Variants in CCDC18 observed in about 807,000 individuals in gnomAD.
CCDC18 encodes the protein coiled-coil domain containing 18, also known as coiled-coil domain-containing protein 18.
CCDC18 carries 157 observed loss-of-function variants against 196.0 expected under a neutral mutation model. The observed-to-expected ratio is 0.80, with a 90% CI of 0.70 to 0.91. CCDC18 has a LOEUF of 0.91. CCDC18 is among the 40% of genes least tolerant of loss of function. The probability of loss-of-function intolerance (pLI) is 0.00; values close to 1 mark genes in which losing one functional copy is unlikely to be tolerated. For missense variants in CCDC18, 1,465 were observed against 1,611.6 expected, an observed-to-expected ratio of 0.91 and a Z score of 1.56; for synonymous variants, 482 against 529.2, an observed-to-expected ratio of 0.91 and a Z score of 1.22.
chr1:93,214,634 T>A (rs977203604), intron 11 of CCDC18, 109 bp from the exon 12 acceptor site: 8 of 690,166 alleles, frequency 1.2e-5, no homozygotes, highest in Middle Eastern at 4.1e-4. Context: ...CTTTTAGTAC[T>A]CTTTAGATCA....
intron 28 of CCDC18, among the ~76,000 whole-genome samples, chr1:93,274,839 A>C (rs548849686): frequency 3.3e-5 from 5 of 152,320 alleles, no homozygotes; most frequent in Non-Finnish European, 7.4e-5. Context: ...CAAAACAAAC[A>C]AACGTAGCCT....
Position 93,257,399 on chromosome 1 carries a change from A to G in CCDC18, c.3546+861A>G, listed in dbSNP as rs559864067. ...ATACTAATATAAATTTTATTTTTCC[A>G]GTATTTGGTAGGAAGTTAACTACTT... On this transcript the variant is annotated intron_variant, in intron 25 of 28. Transcript: ENST00000690025. 3.3e-5 allele frequency among the ~76,000 whole-genome samples: 5 copies of G among 152,066 alleles called. No individual in the cohort carries two copies. In the South Asian group the frequency reaches 8.3e-4, roughly 25 times the overall value.
rs757854064 is a variant in CCDC18 at position 93,205,542 on chromosome 1, TCTAA to T, written c.835_838del (p.Asn279ValfsTer22). On this transcript the variant is annotated frameshift_variant, in exon 8 of 29. Transcript: ENST00000690025. LOFTEE classifies it high-confidence loss of function. Reference sequence around the variant, plus strand: ...CTGAAGAAGAAATATTAGAGAGAAATCTAACTAACTGTGAAAAAGAAAATAAAAG... The same window carrying T: ...CTGAAGAAGAAATATTAGAGAGAAATCTAACTGTGAAAAAGAAAATAAAAG... 21 of 1,589,600 alleles carry T rather than the reference TCTAA, an allele frequency of 1.3e-5. No homozygotes were observed. The highest frequency in any genetic ancestry group is 1.7e-4 in the Middle Eastern group (1 of 5,970).
upstream of CCDC18, chr1:93,180,391 C>T: frequency 1.6e-6 from 2 of 1,246,518 alleles, no homozygotes; most frequent in East Asian, 2.7e-5. Context: ...AACACTCCCT[C>T]CGAAAGAGAA....
chr1:93,212,443 A>C (rs1329491290), intron 11 of CCDC18, among the ~76,000 whole-genome samples, 182 bp downstream of exon 11: 1 of 152,042 alleles, frequency 6.6e-6, no homozygotes, highest in Non-Finnish European at 1.5e-5. Context: ...TCACCCAGGT[A>C]TTAAGCCTAG....
chr1:93,180,146 C>T (rs770112415), upstream of CCDC18: 7 of 1,613,594 alleles, frequency 4.3e-6, no homozygotes, highest in Non-Finnish European at 5.1e-6. Context: ...AAGTCGCTAT[C>T]GAGGGAAGGT....
At chr1:93,234,100 C>A (rs960290586) in intron 18 of CCDC18, among the ~76,000 whole-genome samples, 1 of 151,980 alleles carries the variant, frequency 6.6e-6, no homozygotes, top group African/African-American at 2.4e-5. Context: ...TAACTCACTT[C>A]TATAATGGTT....
At chr1:93,180,236 C>T, upstream of CCDC18, 1 of 1,610,430 alleles carries the variant, frequency 6.2e-7, no homozygotes, top group Non-Finnish European at 8.5e-7. Context: ...CAGATCTTGT[C>T]GCCCATCCCT....
intron 21 of CCDC18, 145 bp downstream of exon 21, chr1:93,240,041 TCTAA>T (rs1218361423): frequency 1.6e-6 from 1 of 619,902 alleles, no homozygotes. Flanking sequence ...CCATGCCTTA[TCTAA>T]CTAATTCAGC....
At chr1:93,270,847 T>C (rs1207510412) in intron 28 of CCDC18, 33 bp downstream of exon 28, 6 of 1,372,526 alleles carry the variant, frequency 4.4e-6, no homozygotes, top group African/African-American at 1.5e-5. Flanking sequence ...ACTGTAATAA[T>C]TTGTTTCCAA....
chr1:93,249,811 G>A (rs1661989358), intron 23 of CCDC18, among the ~76,000 whole-genome samples: 1 of 152,100 alleles, frequency 6.6e-6, no homozygotes, highest in Non-Finnish European at 1.5e-5. Flanking sequence ...ACCTTTAGGT[G>A]CATTGTTTGT....
At chr1:93,185,251 C>T (rs1048476324) in intron 3 of CCDC18, among the ~76,000 whole-genome samples, 8 of 151,858 alleles carry the variant, frequency 5.3e-5, no homozygotes, top group Admixed American at 3.9e-4. Context: ...ATATTGGGTA[C>T]GGGTACATTG....
At chr1:93,239,105 A>G (rs1660422273) in intron 19 of CCDC18, among the ~76,000 whole-genome samples, 1 of 152,204 alleles carries the variant, frequency 6.6e-6, no homozygotes, top group South Asian at 2.1e-4. Context: ...ACCAGGTAGT[A>G]GTAGTAAAGT....
chr1:93,210,163 C>T (rs1210169116), intron 9 of CCDC18, among the ~76,000 whole-genome samples: 1 of 152,098 alleles, frequency 6.6e-6, no homozygotes, highest in African/African-American at 2.4e-5. Flanking sequence ...TGATTTTTTT[C>T]TACTTCTAGG....
intron 13 of CCDC18, 40 bp from the exon 14 acceptor site, chr1:93,217,698 C>T (rs781517105): frequency 6.5e-7 from 1 of 1,544,158 alleles, no homozygotes; most frequent in Non-Finnish European, 8.8e-7. Context: ...CTTGGCCTCC[C>T]AAATCAATTA....
intron 17 of CCDC18, among the ~76,000 whole-genome samples, chr1:93,226,688 C>G (rs1658395712): frequency 6.6e-6 from 1 of 151,844 alleles, no homozygotes; most frequent in Non-Finnish European, 1.5e-5. Context: ...TATGCACTAC[C>G]ATGCCTGGCT....
chr1:93,270,563 G>A lies in CCDC18; in HGVS notation c.4102G>A (p.Glu1368Lys). The A allele has an allele frequency of 1.3e-6, 2 of 1,550,420 alleles. No individual in the cohort carries two copies. The highest frequency in any genetic ancestry group is 1.7e-6 in the Non-Finnish European group (2 of 1,146,902). The change falls in exon 28 of 29, where the codon GAA becomes AAA. Residue 1368 changes from glutamate (E) to lysine (K), a missense_variant. Transcript: ENST00000690025. ...TCTTACTTTCAAAATTCATGGTGAT[G>A]AAGATCTTTCTGAAGAATTACTACA... ...SDLTFKIHGD[E>K]DLSEELLQDL...
intron 6 of CCDC18, among the ~76,000 whole-genome samples, chr1:93,196,285 T>C (rs1571369705): frequency 6.6e-6 from 1 of 152,054 alleles, no homozygotes; most frequent in East Asian, 1.9e-4. Flanking sequence ...GATTGTGCCA[T>C]TGCACTCCAG....
At chr1:93,257,530 T>C (rs1022116118) in intron 25 of CCDC18, among the ~76,000 whole-genome samples, 11 of 152,006 alleles carry the variant, frequency 7.2e-5, no homozygotes, top group Admixed American at 2.0e-4. Flanking sequence ...TCCATTGTGG[T>C]TTCCATGGTT....
Sources: allele counts gnomAD v4.1 joint callset (sites outside exome capture counted in the v4.1 genomes callset), GRCh38; gene constraint gnomAD v4.1.1; transcripts MANE v1.5; gene names NCBI Gene and HGNC (gene_info 2026-07-23, HGNC 2026-07-21).